The following DNER variants were observed in gnomAD, a reference collection of about 807,000 sequenced individuals.
DNER encodes the protein delta/notch like EGF repeat containing.
Under a neutral mutation model 78.2 loss-of-function variants are expected in DNER, and 33 were observed. The observed-to-expected ratio is 0.42, with a 90% CI of 0.32 to 0.56. DNER has a LOEUF of 0.56. Ranked by LOEUF, DNER falls within the 20% of genes least tolerant of loss-of-function variation. The probability of loss-of-function intolerance (pLI) is 0.11; values close to 1 mark genes in which losing one functional copy is unlikely to be tolerated. For missense variants in DNER, 918 were observed against 975.3 expected (o/e 0.94, Z 0.78); for synonymous variants, 417 against 384.8 (o/e 1.08, Z -0.98).
chr2:229,426,835 C>T (rs1438503871), intron 8 of DNER, among the ~76,000 whole-genome samples: 2 of 152,148 alleles, frequency 1.3e-5, no homozygotes, highest in African/African-American at 2.4e-5. Context: ...ACTGAGTAAT[C>T]GTGCTTCTGT....
intron 1 of DNER, among the ~76,000 whole-genome samples, chr2:229,677,616 G>A (rs1198403514): frequency 6.6e-6 from 1 of 152,120 alleles, no homozygotes; most frequent in East Asian, 1.9e-4. Context: ...GGGTGGAAGG[G>A]TGATTACAAT....
intron 1 of DNER, among the ~76,000 whole-genome samples, chr2:229,693,352 C>G (rs1329070587): frequency 6.6e-6 from 1 of 151,986 alleles, no homozygotes; most frequent in Non-Finnish European, 1.5e-5. Flanking sequence ...TACTCAGTCT[C>G]AGGTATGTCT....
intron 6 of DNER, among the ~76,000 whole-genome samples, chr2:229,487,536 C>T (rs1237898742): frequency 1.3e-5 from 2 of 152,068 alleles, no homozygotes; most frequent in African/African-American, 4.8e-5. Flanking sequence ...AAGTTGAAAT[C>T]AAAAGAAAGA....
intron 12 of DNER, among the ~76,000 whole-genome samples, chr2:229,364,844 C>CTTTTTTTTTTTTTTTTTTT (rs34346714): frequency 1.3e-5 from 1 of 75,478 alleles, no homozygotes. Flanking sequence ...CTCTCTCTCT[C>CTTTTTTTTTTTTTTTTTTT]TTTTTTTTTT....
At chr2:229,693,284 C>G (rs897521759) in intron 1 of DNER, among the ~76,000 whole-genome samples, 2 of 151,774 alleles carry the variant, frequency 1.3e-5, no homozygotes, top group Non-Finnish European at 2.9e-5. Context: ...TTGTAAGTTT[C>G]CTGAGCCCTC....
At chr2:229,503,874 T>C (rs567924245) in intron 6 of DNER, among the ~76,000 whole-genome samples, 2 of 152,252 alleles carry the variant, frequency 1.3e-5, no homozygotes, top group Admixed American at 1.3e-4. Context: ...CCTGAGTAGC[T>C]GGTACTACAG....
rs149178057 is a variant in DNER at position 229,547,061 on chromosome 2, A to C, written c.879T>G (p.Ile293Met). The C allele has an allele frequency of 6.2e-7, 1 of 1,614,168 alleles. No individual in the cohort carries two copies. Among genetic ancestry groups the C allele is most frequent in the Non-Finnish European group, 8.5e-7 (1 of 1,180,004 alleles). The change falls in exon 5 of 13, where the codon ATT becomes ATG. Residue 293 changes from isoleucine to methionine, a missense_variant. Ile to Met is a conservative substitution (Grantham distance 10, BLOSUM62 1). Coordinates refer to ENST00000341772, the MANE Select transcript of DNER (RefSeq NM_139072.4). ...CCACCAGAGTTAAGCGCAAAGCCACAATAGACTTAGTCACAGAATCATTCA... is the reference window on the plus strand; with the variant it reads ...CCACCAGAGTTAAGCGCAAAGCCACCATAGACTTAGTCACAGAATCATTCA... ...GFVNDSVTKS[I>M]VALRLTLVVK...
intron 10 of DNER, among the ~76,000 whole-genome samples, chr2:229,405,128 T>A (rs1693353513): frequency 6.6e-6 from 1 of 152,126 alleles, no homozygotes; most frequent in South Asian, 2.1e-4. Context: ...AATAGAGAGT[T>A]CATAAAGGAA....
chr2:229,443,413 T>A (rs1390948678), intron 8 of DNER, among the ~76,000 whole-genome samples: 1 of 152,162 alleles, frequency 6.6e-6, no homozygotes, highest in Admixed American at 6.5e-5. Context: ...CAGCTCCAAG[T>A]TCTCACTTTC....
chr2:229,707,310 T>C (rs574651626), intron 1 of DNER, among the ~76,000 whole-genome samples: 9 of 151,586 alleles, frequency 5.9e-5, no homozygotes, highest in Middle Eastern at 3.4e-3. Context: ...GCTGGGATTA[T>C]AGGCGTGAAC....
chr2:229,554,769 C>A (rs1236735063), intron 4 of DNER, among the ~76,000 whole-genome samples: 3 of 151,364 alleles, frequency 2.0e-5, no homozygotes, highest in African/African-American at 4.9e-5. Context: ...TCAGGAGGAT[C>A]ACTTGAGCAC....
chr2:229,606,654 A>G (rs1381268268), intron 1 of DNER, among the ~76,000 whole-genome samples: 3 of 152,114 alleles, frequency 2.0e-5, no homozygotes, highest in Admixed American at 6.5e-5. Context: ...GCACTTTGGG[A>G]GGCCAAGGCA....
chr2:229,361,740 A>G (rs138912930), intron 12 of DNER, among the ~76,000 whole-genome samples: 1 of 152,158 alleles, frequency 6.6e-6, no homozygotes, highest in Non-Finnish European at 1.5e-5. Context: ...TATAATAATT[A>G]TATTACATAT....
intron 7 of DNER, among the ~76,000 whole-genome samples, chr2:229,467,289 G>A (rs1477169220): frequency 6.6e-6 from 1 of 152,178 alleles, no homozygotes; most frequent in Non-Finnish European, 1.5e-5. Context: ...AATGAACTGA[G>A]GAGAGGCGTC....
At chr2:229,369,516 A>G (rs1692432936) in intron 11 of DNER, among the ~76,000 whole-genome samples, 2 of 152,146 alleles carry the variant, frequency 1.3e-5, no homozygotes, top group African/African-American at 2.4e-5. Context: ...TAAAAAAGTT[A>G]AAGAGTCCAC....
rs146919632 is a variant in DNER, at chr2:229,485,092, C to T, written c.1148-7839G>A. Among the ~76,000 whole-genome samples the T allele has an allele frequency of 4.3e-3, 660 of 152,284 alleles. 5 individuals carry two copies. The highest frequency in any genetic ancestry group is 0.014 in the Middle Eastern group (4 of 294). On this transcript the variant is annotated intron_variant, in intron 6 of 12. Coordinates refer to ENST00000341772, the MANE Select transcript of DNER (RefSeq NM_139072.4). ...ATGACTATTGAAAATACTGACCTCT[C>T]CTTTCAGGGAATTGCAGAGATTTTA... is the stretch of plus-strand genomic sequence containing the variant.
intron 1 of DNER, among the ~76,000 whole-genome samples, chr2:229,713,056 T>C (rs1475705239): frequency 6.6e-6 from 1 of 152,202 alleles, no homozygotes; most frequent in Non-Finnish European, 1.5e-5. Flanking sequence ...AACTCTCCAA[T>C]CATTGTTATC....
At chr2:229,578,890 T>G (rs2154214249) in intron 4 of DNER, among the ~76,000 whole-genome samples, 1 of 152,312 alleles carries the variant, frequency 6.6e-6, no homozygotes, top group Non-Finnish European at 1.5e-5. Flanking sequence ...AGAAGATCCC[T>G]CTTTTTCGTT....
intron 5 of DNER, among the ~76,000 whole-genome samples, chr2:229,542,870 G>C (rs1334987191): frequency 6.6e-6 from 1 of 151,692 alleles, no homozygotes; most frequent in Non-Finnish European, 1.5e-5. Context: ...TTAACAGTGT[G>C]CGCCAAGGTG....
Sources: gnomAD v4.1 joint callset for allele counts (sites outside exome capture counted in the v4.1 genomes callset) on GRCh38, gnomAD v4.1.1 for gene constraint, MANE v1.5 for transcripts, NCBI Gene and HGNC (gene_info 2026-07-23, HGNC 2026-07-21) for gene names.